GRID1: variants seen among roughly 807,000 people sequenced by gnomAD.
GRID1 encodes glutamate receptor ionotropic, delta-1.
In GRID1, 28 loss-of-function variants were observed where a neutral mutation model predicts 98.0. The ratio of observed to expected loss-of-function variants is 0.29; its 90% CI spans 0.21 to 0.39. The LOEUF (loss-of-function observed/expected upper bound fraction) is 0.39, where lower values mean the gene tolerates loss of function less well. GRID1 is among the 10% of genes least tolerant of loss of function. The pLI is 1.00. For missense variants in GRID1, 1,111 were observed against 1,340.5 expected (o/e 0.83, Z 2.67); for synonymous variants, 553 against 538.5 (o/e 1.03, Z -0.37).
At chr10:86,269,011 T>C (rs905022181) in intron 2 of GRID1, among the ~76,000 whole-genome samples, 2 of 150,578 alleles carry the variant, frequency 1.3e-5, no homozygotes, top group East Asian at 1.9e-4. Flanking sequence ...AAAAGAAAGA[T>C]TGGGGTTTGG....
Position 85,599,802 on chromosome 10 carries a change from A to AAAAAAAAAAAAAATATAT in GRID1, c.*2470_*2471insATATATTTTTTTTTTTTT. On this transcript the variant is annotated 3_prime_UTR_variant, in exon 16 of 16. Coordinates refer to ENST00000327946, the MANE Select transcript of GRID1 (RefSeq NM_017551.3). ...GTAGAAAATTCTAAAAAAAAAAAAA[A>AAAAAAAAAAAAAATATAT]ATATATATATATATATATAAACATG... is the stretch of plus-strand genomic sequence containing the variant. The AAAAAAAAAAAAAATATAT allele has an allele frequency of 2.5e-4, 16 of 64,972 alleles. No homozygotes were observed. Among genetic ancestry groups the AAAAAAAAAAAAAATATAT allele is most frequent in the Admixed American group, 5.1e-4 (3 of 5,842 alleles). 4.0% of individuals were successfully genotyped at this position (64,972 alleles called of 1,614,324 possible). A position where few individuals can be genotyped will look rare whatever the true frequency, so the allele number is the denominator to read the frequency against.
chr10:86,022,022 C>T (rs145274576), intron 4 of GRID1, among the ~76,000 whole-genome samples: 173 of 152,144 alleles, frequency 1.1e-3, no homozygotes, highest in Middle Eastern at 3.4e-3. Flanking sequence ...AAAAAGAAAC[C>T]GATTAATACC....
chr10:85,963,585 C>T (rs532208535), intron 4 of GRID1, among the ~76,000 whole-genome samples: 1 of 152,318 alleles, frequency 6.6e-6, no homozygotes, highest in South Asian at 2.1e-4. Flanking sequence ...TTACCACGCC[C>T]AACCTGATTC....
intron 13 of GRID1, among the ~76,000 whole-genome samples, chr10:85,637,414 G>C (rs977840192): frequency 1.3e-5 from 2 of 152,164 alleles, no homozygotes; most frequent in Admixed American, 6.6e-5. Flanking sequence ...GTCAAAGCAT[G>C]TGAAAAAGGT....
chr10:85,959,345 T>C (rs1842235494), intron 4 of GRID1, among the ~76,000 whole-genome samples: 1 of 152,148 alleles, frequency 6.6e-6, no homozygotes, highest in Admixed American at 6.5e-5. Flanking sequence ...ACCTGGCAAA[T>C]AAAGGGAACA....
chr10:86,176,935 T>C (rs376232960), intron 3 of GRID1, among the ~76,000 whole-genome samples: 4 of 152,016 alleles, frequency 2.6e-5, no homozygotes, highest in African/African-American at 9.7e-5. Flanking sequence ...CATCATCCAG[T>C]GGCAGTGATG....
At chr10:85,688,927 T>C (rs1841300121) in intron 12 of GRID1, among the ~76,000 whole-genome samples, 1 of 152,152 alleles carries the variant, frequency 6.6e-6, no homozygotes, top group Non-Finnish European at 1.5e-5. Flanking sequence ...TGTGTAAGCC[T>C]GGAAATACAC....
At chr10:85,955,859 G>A (rs1674541030) in intron 4 of GRID1, among the ~76,000 whole-genome samples, 1 of 152,138 alleles carries the variant, frequency 6.6e-6, no homozygotes, top group Non-Finnish European at 1.5e-5. Flanking sequence ...TCTGACCCCT[G>A]AGGCTTCTCC....
intron 5 of GRID1, among the ~76,000 whole-genome samples, chr10:85,872,925 C>T (rs959733777): frequency 6.6e-6 from 1 of 152,202 alleles, no homozygotes; most frequent in African/African-American, 2.4e-5. Context: ...GAGATATTTG[C>T]AATCAGAATC....
intron 5 of GRID1, among the ~76,000 whole-genome samples, chr10:85,894,673 G>A (rs963605042): frequency 1.3e-5 from 2 of 152,054 alleles, no homozygotes; most frequent in Non-Finnish European, 2.9e-5. Context: ...TGTAGGCATT[G>A]GAATCAGACT....
At chr10:86,266,569 G>C (rs1226595730) in intron 2 of GRID1, among the ~76,000 whole-genome samples, 1 of 152,168 alleles carries the variant, frequency 6.6e-6, no homozygotes, top group Non-Finnish European at 1.5e-5. Flanking sequence ...GGGCCCTCCT[G>C]CCCAACTCCC....
chr10:86,168,747 C>A (rs950469277), intron 3 of GRID1, among the ~76,000 whole-genome samples: 3 of 152,172 alleles, frequency 2.0e-5, no homozygotes, highest in Non-Finnish European at 4.4e-5. Context: ...TACTCAAAGA[C>A]CCACAAAATA....
At chr10:86,157,864 T>C (rs1845267976) in intron 3 of GRID1, among the ~76,000 whole-genome samples, 1 of 152,194 alleles carries the variant, frequency 6.6e-6, no homozygotes, top group Non-Finnish European at 1.5e-5. Context: ...TAGGAGATAG[T>C]AGCCTCCTCG....
At chr10:85,772,032 C>G (rs978403100) in intron 8 of GRID1, among the ~76,000 whole-genome samples, 1 of 152,124 alleles carries the variant, frequency 6.6e-6, no homozygotes, top group Non-Finnish European at 1.5e-5. Context: ...CTTTTCAGCA[C>G]CACACCACAC....
intron 12 of GRID1, among the ~76,000 whole-genome samples, chr10:85,721,904 C>T (rs1282696595): frequency 6.6e-6 from 1 of 152,174 alleles, no homozygotes; most frequent in Non-Finnish European, 1.5e-5. Flanking sequence ...AATCAGTCAA[C>T]TGTATCAGTG....
At chr10:85,915,254 C>G (rs1422745544) in intron 5 of GRID1, among the ~76,000 whole-genome samples, 3 of 151,972 alleles carry the variant, frequency 2.0e-5, no homozygotes, top group African/African-American at 7.3e-5. Flanking sequence ...ACAACCCACA[C>G]AGCATTCACA....
At chr10:86,330,490 C>A (rs538995559) in intron 2 of GRID1, among the ~76,000 whole-genome samples, 4 of 152,304 alleles carry the variant, frequency 2.6e-5, no homozygotes, top group African/African-American at 9.6e-5. Flanking sequence ...CAGGAGCAGA[C>A]CCCTGGAGAC....
intron 2 of GRID1, among the ~76,000 whole-genome samples, chr10:86,273,374 C>T (rs528862076): frequency 0.044 from 5,505 of 126,342 alleles, 263 homozygotes; most frequent in Admixed American, 0.13. Context: ...AATAAACATA[C>T]GTCTGCATGT....
chr10:86,323,285 T>G (rs1847995822), intron 2 of GRID1, among the ~76,000 whole-genome samples: 1 of 152,178 alleles, frequency 6.6e-6, no homozygotes, highest in Non-Finnish European at 1.5e-5. Flanking sequence ...TCTCTGCCTG[T>G]TAAGTGGGGA....
Sources: allele counts gnomAD v4.1 joint callset (sites outside exome capture counted in the v4.1 genomes callset), GRCh38; gene constraint gnomAD v4.1.1; transcripts MANE v1.5; gene names NCBI Gene and HGNC (gene_info 2026-07-23, HGNC 2026-07-21).